Variants in RBFOX1 observed in about 807,000 individuals in gnomAD.
RBFOX1 encodes RNA binding protein fox-1 homolog 1.
RBFOX1 carries 8 observed loss-of-function variants against 57.7 expected under a neutral mutation model. That is an observed-to-expected ratio of 0.14 (90% CI 0.08 to 0.25). RBFOX1 has a LOEUF of 0.25. Ranked by LOEUF, RBFOX1 falls within the 10% of genes least tolerant of loss-of-function variation. The pLI, the probability that RBFOX1 is intolerant of heterozygous loss-of-function variation, is 1.00. For synonymous variants in RBFOX1, 326 were observed against 222.4 expected (o/e 1.47, Z -4.15); for missense variants, 611 against 548.5 (o/e 1.11, Z -1.14).
intron 3 of RBFOX1, among the ~76,000 whole-genome samples, chr16:6,667,265 C>A (rs2098738802): frequency 2.0e-5 from 3 of 152,024 alleles, no homozygotes; most frequent in South Asian, 2.1e-4. Context: ...CAGTGGTAAC[C>A]CAGAGAGTGT....
intron 3 of RBFOX1, among the ~76,000 whole-genome samples, chr16:6,795,779 A>T (rs1220787813): frequency 1.2e-5 from 1 of 85,430 alleles, no homozygotes; most frequent in Admixed American, 1.3e-4. Flanking sequence ...ATAAAAAATG[A>T]AAAAAAAAAA....
chr16:6,855,652 C>A (rs536442702), intron 3 of RBFOX1, among the ~76,000 whole-genome samples: 44 of 129,006 alleles, frequency 3.4e-4, no homozygotes, highest in South Asian at 1.1e-3. Flanking sequence ...GACTCCATCT[C>A]AAAAAAAAAA....
chr16:5,318,120 C>G (rs1050869061), intron 1 of RBFOX1, among the ~76,000 whole-genome samples: 2 of 151,620 alleles, frequency 1.3e-5, no homozygotes, highest in African/African-American at 4.9e-5. Flanking sequence ...TTGTTTACAC[C>G]TACTGTTTTT....
chr16:7,069,535 T>C (rs904822443), intron 4 of RBFOX1, among the ~76,000 whole-genome samples: 2 of 152,200 alleles, frequency 1.3e-5, no homozygotes, highest in African/African-American at 4.8e-5. Flanking sequence ...TAGTGTGCTT[T>C]TACACTGAAC....
At chr16:5,840,629 T>G (rs2056596700) in intron 3 of RBFOX1, among the ~76,000 whole-genome samples, 1 of 152,110 alleles carries the variant, frequency 6.6e-6, no homozygotes, top group African/African-American at 2.4e-5. Context: ...CTTCACAGAA[T>G]GAAAACATGT....
At chr16:7,009,243 ACTTCCTCTC>A (rs139956829) in intron 3 of RBFOX1, among the ~76,000 whole-genome samples, 10,581 of 119,476 alleles carry the variant, frequency 0.089, 767 homozygotes, top group African/African-American at 0.18. Context: ...CTTCTTGTCT[ACTTCCTCTC>A]CTTCCTCTCC....
intron 1 of RBFOX1, chr16:6,057,221 A>G (rs2095625440): frequency 6.6e-6 from 1 of 152,158 alleles, no homozygotes; most frequent in Admixed American, 6.5e-5. Flanking sequence ...CAGTGCTTAA[A>G]TATATTGTCT....
intron 1 of RBFOX1, among the ~76,000 whole-genome samples, chr16:5,274,501 C>T (rs1299147728): frequency 1.3e-5 from 2 of 152,168 alleles, no homozygotes; most frequent in Non-Finnish European, 2.9e-5. Flanking sequence ...TGCACCCTAG[C>T]CTGCGTGATA....
chr16:6,703,359 A>T (rs1244971692), intron 3 of RBFOX1, among the ~76,000 whole-genome samples: 1 of 152,074 alleles, frequency 6.6e-6, no homozygotes, highest in Non-Finnish European at 1.5e-5. Context: ...GGTTTGCTTG[A>T]GCCCAGGGGT....
chr16:6,925,501 C>T (rs771593903), intron 3 of RBFOX1, among the ~76,000 whole-genome samples: 4 of 150,292 alleles, frequency 2.7e-5, no homozygotes, highest in Non-Finnish European at 5.9e-5. Context: ...CACCCTATTC[C>T]ACTGTGAATG....
intron 4 of RBFOX1, among the ~76,000 whole-genome samples, chr16:7,110,013 G>A (rs2064369801): frequency 6.6e-6 from 1 of 152,050 alleles, no homozygotes; most frequent in Non-Finnish European, 1.5e-5. Flanking sequence ...TTACAGGGAG[G>A]AGGAGTTATA....
At position 7,477,090 on chromosome 16, in the gene RBFOX1, C is replaced by T. The variant is rs916115120; in HGVS notation, c.28-41057C>T. ...AAGTTTCTTTATTTTCCTTCCCCCA[C>T]ATCTCTGTCCTTTTTTTCTCACTAC... On this transcript the variant is annotated intron_variant, in intron 4 of 15. Coordinates refer to ENST00000550418, the MANE Select transcript of RBFOX1 (RefSeq NM_018723.4). 5.9e-5 allele frequency among the ~76,000 whole-genome samples: 9 copies of T among 152,280 alleles called. No homozygotes were observed. The South Asian group carries it at 6.2e-4, about 11-fold the overall frequency.
At chr16:5,806,647 A>C (rs1193178992) in intron 3 of RBFOX1, among the ~76,000 whole-genome samples, 1 of 152,226 alleles carries the variant, frequency 6.6e-6, no homozygotes, top group Non-Finnish European at 1.5e-5. Context: ...CAAGACAGTG[A>C]AACCAGCTAT....
intron 4 of RBFOX1, among the ~76,000 whole-genome samples, chr16:7,512,031 A>T (rs1464546960): frequency 6.6e-6 from 1 of 152,230 alleles, no homozygotes; most frequent in Non-Finnish European, 1.5e-5. Flanking sequence ...CATCCTGCTC[A>T]TCAACTAGGA....
intron 2 of RBFOX1, among the ~76,000 whole-genome samples, chr16:6,480,110 C>T (rs908581564): frequency 1.3e-5 from 2 of 150,938 alleles, no homozygotes; most frequent in Non-Finnish European, 2.9e-5. Flanking sequence ...ACAATAGTGT[C>T]ATCTCTAGGA....
intron 3 of RBFOX1, among the ~76,000 whole-genome samples, chr16:6,802,441 C>G (rs1169538305): frequency 6.6e-6 from 1 of 152,096 alleles, no homozygotes; most frequent in Non-Finnish European, 1.5e-5. Flanking sequence ...CTTTGGGAGG[C>G]CGAGGTGGGC....
intron 2 of RBFOX1, among the ~76,000 whole-genome samples, chr16:6,523,739 C>T (rs1458730043): frequency 6.6e-6 from 1 of 152,026 alleles, no homozygotes; most frequent in Non-Finnish European, 1.5e-5. Flanking sequence ...CCACATAGCC[C>T]CATTGGTTGA....
At chr16:6,671,199 C>G (rs984318837) in intron 3 of RBFOX1, among the ~76,000 whole-genome samples, 1 of 152,234 alleles carries the variant, frequency 6.6e-6, no homozygotes, top group East Asian at 1.9e-4. Context: ...ATTTTACTTG[C>G]AATGTCAAAA....
chr16:7,504,423 A>G (rs2072076219), intron 4 of RBFOX1, among the ~76,000 whole-genome samples: 1 of 151,670 alleles, frequency 6.6e-6, no homozygotes, highest in Admixed American at 6.6e-5. Context: ...TGCCTTTTTG[A>G]CAACCTCTAA....
Sources: allele counts gnomAD v4.1 joint callset (sites outside exome capture counted in the v4.1 genomes callset), GRCh38; gene constraint gnomAD v4.1.1; transcripts MANE v1.5; gene names NCBI Gene and HGNC (gene_info 2026-07-23, HGNC 2026-07-21).